Variants in SLC8A3 observed in about 807,000 individuals in gnomAD.
The protein encoded by SLC8A3 is solute carrier family 8 member A3, also known as sodium/calcium exchanger 3.
SLC8A3 carries 37 observed loss-of-function variants against 65.4 expected under a neutral mutation model. The ratio of observed to expected loss-of-function variants is 0.57; its 90% CI spans 0.44 to 0.74. The LOEUF is 0.74. Among genes scored for constraint, SLC8A3 ranks in the 30% least tolerant of loss-of-function variants. The pLI, the probability that SLC8A3 is intolerant of heterozygous loss-of-function variation, is 0.00. For synonymous variants in SLC8A3, 461 were observed against 444.5 expected (o/e 1.04, Z -0.47); for missense variants, 1,112 against 1,172.1 (o/e 0.95, Z 0.75).
At chr14:70,134,026 G>C (rs952692552) in intron 2 of SLC8A3, among the ~76,000 whole-genome samples, 1 of 152,080 alleles carries the variant, frequency 6.6e-6, no homozygotes, top group African/African-American at 2.4e-5. Context: ...CATCATGCTG[G>C]TACTTTTGTC....
intron 2 of SLC8A3, among the ~76,000 whole-genome samples, chr14:70,070,142 C>T (rs1206040183): frequency 1.3e-5 from 2 of 152,114 alleles, no homozygotes; most frequent in Non-Finnish European, 2.9e-5. Context: ...GGAGTACATC[C>T]AGAGTAGGGT....
intron 2 of SLC8A3, among the ~76,000 whole-genome samples, chr14:70,094,691 TC>T (rs1892035721): frequency 6.6e-6 from 1 of 152,066 alleles, no homozygotes; most frequent in African/African-American, 2.4e-5. Context: ...AGACAGAATG[TC>T]CCCCCTGCTG....
At chr14:70,161,120 G>T (rs908180162) in intron 2 of SLC8A3, among the ~76,000 whole-genome samples, 1 of 141,238 alleles carries the variant, frequency 7.1e-6, no homozygotes, top group East Asian at 2.5e-4. Flanking sequence ...CGGACGTGGT[G>T]GTATATATAT....
chr14:70,056,080 G>T (rs573019728), intron 3 of SLC8A3, among the ~76,000 whole-genome samples: 5 of 152,174 alleles, frequency 3.3e-5, no homozygotes, highest in Non-Finnish European at 7.3e-5. Flanking sequence ...GGCTACCCTA[G>T]GGCTAGGAAT....
chr14:70,083,591 G>C (rs1891215478), intron 2 of SLC8A3, among the ~76,000 whole-genome samples: 1 of 152,192 alleles, frequency 6.6e-6, no homozygotes, highest in Non-Finnish European at 1.5e-5. Flanking sequence ...AATCCCTGAA[G>C]GGTAGAAAGC....
chr14:70,057,299 T>C (rs1346675417), intron 3 of SLC8A3, among the ~76,000 whole-genome samples: 1 of 116,230 alleles, frequency 8.6e-6, no homozygotes, highest in Non-Finnish European at 1.9e-5. Context: ...GATAGGTAGA[T>C]AGATAGATAG....
At chr14:70,108,754 C>T (rs1303221806) in intron 2 of SLC8A3, among the ~76,000 whole-genome samples, 1 of 152,184 alleles carries the variant, frequency 6.6e-6, no homozygotes, top group Non-Finnish European at 1.5e-5. Context: ...TAATGCAAAA[C>T]TGCCTTCAAT....
chr14:70,167,599 A>G lies in SLC8A3; in HGVS notation c.824T>C (p.Ile275Thr). 1 of 1,614,028 alleles carries G rather than the reference A, an allele frequency of 6.2e-7. No homozygotes were observed. The highest frequency in any genetic ancestry group is 8.5e-7 in the Non-Finnish European group (1 of 1,180,004). Reference protein sequence around the residue: ...YRTDKHRGIIIETEGDHPKGI... With the variant: ...YRTDKHRGIITETEGDHPKGI... The stretch of plus-strand genomic sequence containing the variant: ...CTTAGGGTGGTCACCCTCTGTCTCT[A>G]TGATAATTCCTCGGTGTTTGTCTGT... The change falls in exon 2 of 7, where the codon ATA becomes ACA. Residue 275 changes from isoleucine to threonine, a missense_variant. Transcript: ENST00000356921.
At chr14:70,111,803 T>C (rs1232486538) in intron 2 of SLC8A3, among the ~76,000 whole-genome samples, 1 of 152,190 alleles carries the variant, frequency 6.6e-6, no homozygotes, top group African/African-American at 2.4e-5. Flanking sequence ...ACAGTGGAGA[T>C]GATGGCAATG....
At chr14:70,075,928 G>C (rs2139957597) in intron 2 of SLC8A3, among the ~76,000 whole-genome samples, 1 of 152,250 alleles carries the variant, frequency 6.6e-6, no homozygotes, top group South Asian at 2.1e-4. Context: ...AGCAGGTCTG[G>C]GTGGGGCCTG....
At chr14:70,142,290 A>G (rs927451425) in intron 2 of SLC8A3, among the ~76,000 whole-genome samples, 1 of 152,228 alleles carries the variant, frequency 6.6e-6, no homozygotes. Flanking sequence ...AGGAATTTCA[A>G]ACCTTCAGAA....
chr14:70,050,747 T>G lies in SLC8A3; in HGVS notation c.2113+261A>C, dbSNP rs147185667. Among the ~76,000 whole-genome samples, 28 of 152,342 alleles carry G rather than the reference T, an allele frequency of 1.8e-4. No individual in the cohort carries two copies. The East Asian group carries it at 5.4e-3, about 29-fold the overall frequency. Reference sequence around the variant, plus strand: ...ACTTTTCTGAGAAAGGTAGCAATAGTTCCCCTTTGGAAAGAGGACATTGAG... The same window carrying G: ...ACTTTTCTGAGAAAGGTAGCAATAGGTCCCCTTTGGAAAGAGGACATTGAG... On this transcript the variant is annotated intron_variant, in intron 5 of 6. Transcript: ENST00000356921.
intron 2 of SLC8A3, among the ~76,000 whole-genome samples, chr14:70,145,951 G>GGAAAAGAGGGAGGGAGGGAGGGAA: frequency 1.3e-5 from 2 of 150,660 alleles, no homozygotes; most frequent in Non-Finnish European, 3.0e-5. Flanking sequence ...AAGGAAGGAA[G>GGAAAAGAGGGAGGGAGGGAGGGAA]GAAAAGAGGG....
At chr14:70,085,788 C>A (rs1205518244) in intron 2 of SLC8A3, among the ~76,000 whole-genome samples, 1 of 152,210 alleles carries the variant, frequency 6.6e-6, no homozygotes, top group Non-Finnish European at 1.5e-5. Flanking sequence ...CTAATACTTA[C>A]ATGTCATTTA....
At chr14:70,071,684 G>T (rs1389103873) in intron 2 of SLC8A3, among the ~76,000 whole-genome samples, 1 of 152,208 alleles carries the variant, frequency 6.6e-6, no homozygotes, top group Admixed American at 6.5e-5. Flanking sequence ...CTTGGACAGA[G>T]AACCCAGTCA....
In SLC8A3 at chr14:70,166,695, G is replaced by A. The variant is rs757917100; in HGVS notation, c.1728C>T (p.Gly576=). ...CATATGTGTCTTCAAAGTCCTCACC[G>A]CCACCCTTGGCTGTCCCTTCTACTG... is the stretch of plus-strand genomic sequence containing the variant. ...FRTVEGTAKG[G]GEDFEDTYGE... Residue 576 remains glycine, a synonymous_variant, in exon 2 of 7, where the codon GGC becomes GGT. Coordinates refer to ENST00000356921, the MANE Select transcript of SLC8A3 (RefSeq NM_182932.3). The A allele has an allele frequency of 5.5e-5, 89 of 1,612,954 alleles. No individual in the cohort carries two copies. Among genetic ancestry groups the A allele is most frequent in the East Asian group, 1.3e-4 (6 of 44,888 alleles).
At chr14:70,144,403 G>C (rs1227398903) in intron 2 of SLC8A3, among the ~76,000 whole-genome samples, 1 of 145,888 alleles carries the variant, frequency 6.9e-6, no homozygotes, top group Non-Finnish European at 1.5e-5. Flanking sequence ...GCCAAGGCGA[G>C]TAGATCACTT....
Position 70,057,779 on chromosome 14 carries a change from C to G in SLC8A3, c.1888+3057G>C, listed in dbSNP as rs1206543844. Among the ~76,000 whole-genome samples, 7 of 152,238 alleles carry G rather than the reference C, an allele frequency of 4.6e-5. No homozygotes were observed. In the East Asian group the frequency reaches 1.4e-3, roughly 29 times the overall value. ...TATTCCTGCTCAGACACCCCAGGGA[C>G]AAGCTGGAAAGAGCATAGGACTGTG... On this transcript the variant is annotated intron_variant, in intron 3 of 6. Transcript: ENST00000356921.
chr14:70,165,639 A>G (rs544770241), intron 2 of SLC8A3, among the ~76,000 whole-genome samples: 1 of 152,352 alleles, frequency 6.6e-6, no homozygotes, highest in East Asian at 1.9e-4. Flanking sequence ...ACAAATCCTG[A>G]GGAAAGTCAT....
Sources: allele counts gnomAD v4.1 joint callset (sites outside exome capture counted in the v4.1 genomes callset), GRCh38; gene constraint gnomAD v4.1.1; transcripts MANE v1.5; gene names NCBI Gene and HGNC (gene_info 2026-07-23, HGNC 2026-07-21).